ORC3: variants seen among roughly 807,000 people sequenced by gnomAD.
ORC3 encodes origin recognition complex subunit 3.
ORC3 carries 78 observed loss-of-function variants against 100.7 expected under a neutral mutation model. The ratio of observed to expected loss-of-function variants is 0.77; its 90% CI spans 0.65 to 0.94. ORC3 has a LOEUF of 0.94. Among genes scored for constraint, ORC3 ranks in the 40% least tolerant of loss-of-function variants. The pLI, the probability that ORC3 is intolerant of heterozygous loss-of-function variation, is 0.00. For missense variants in ORC3, 789 were observed against 823.9 expected (o/e 0.96, Z 0.52); for synonymous variants, 295 against 289.3 (o/e 1.02, Z -0.20).
intron 12 of ORC3, 56 bp downstream of exon 12, chr6:87,635,017 G>C: frequency 1.0e-6 from 1 of 965,072 alleles, no homozygotes; most frequent in Non-Finnish European, 1.7e-6. Context: ...GTATTTTCTT[G>C]CTTTGGTTTT....
At chr6:87,640,157 A>G (rs1357428376) in intron 13 of ORC3, among the ~76,000 whole-genome samples, 1 of 152,088 alleles carries the variant, frequency 6.6e-6, no homozygotes, top group Non-Finnish European at 1.5e-5. Flanking sequence ...CCTCTAGTGT[A>G]TTTCACAGAA....
the ORC3 span, among the ~76,000 whole-genome samples, chr6:87,672,906 C>A: frequency 6.6e-6 from 1 of 152,088 alleles, no homozygotes; most frequent in Non-Finnish European, 1.5e-5. Flanking sequence ...AGTACTGTAT[C>A]AGTACTGCCT....
Position 87,656,993 on chromosome 6 carries a change from T to C in ORC3, c.1593+11T>C, listed in dbSNP as rs1286887904. The C allele has an allele frequency of 1.3e-6, 2 of 1,542,388 alleles. No individual in the cohort carries two copies. The highest frequency in any genetic ancestry group is 1.7e-5 in the Admixed American group (1 of 59,912). On this transcript the variant is annotated intron_variant, in intron 15 of 19. Transcript: ENST00000392844. ...TATCATCTTCAGAAGGTCAGGTCAC[T>C]CTCTTCCCTTCCAGCTGCATCCTGT... is the stretch of plus-strand genomic sequence containing the variant.
Position 87,663,038 on chromosome 6 carries a change from A to G in ORC3, c.1727A>G (p.His576Arg), listed in dbSNP as rs767350523. 4.3e-6 allele frequency: 7 copies of G among 1,611,562 alleles called. No individual in the cohort carries two copies. The African/African-American group carries it at 5.3e-5, about 12-fold the overall frequency. Reference sequence around the variant, plus strand: ...CTGCCTCCTGAGACACAGCCTCTCCATGAGGTGGTGTACTTCAGTGCTGCC... The same window carrying G: ...CTGCCTCCTGAGACACAGCCTCTCCGTGAGGTGGTGTACTTCAGTGCTGCC... ...YLLPPETQPLHEVVYFSAAHA... is the reference protein window; with the variant it reads ...YLLPPETQPLREVVYFSAAHA... Residue 576 changes from histidine to arginine, a missense_variant, in exon 17 of 20, where the codon CAT (histidine) becomes CGT (arginine). This residue lies in a region of ORC3 where 366 missense variants were observed against 394.2 expected (regional missense o/e 0.93). Coordinates refer to ENST00000392844, the MANE Select transcript of ORC3 (RefSeq NM_012381.4).
chr6:87,651,023 A>G, intron 13 of ORC3: 1 of 366,486 alleles, frequency 2.7e-6, no homozygotes, highest in Non-Finnish European at 5.4e-6. Flanking sequence ...AAAAACAAAA[A>G]AAGAATAAGA....
At chr6:87,590,663 G>A (rs1051335415) in intron 1 of ORC3, among the ~76,000 whole-genome samples, 1 of 152,160 alleles carries the variant, frequency 6.6e-6, no homozygotes, top group African/African-American at 2.4e-5. Flanking sequence ...ATAGGTTGTC[G>A]GGGGTTAGCG....
chr6:87,676,015 A>C, the ORC3 span: 2 of 1,149,920 alleles, frequency 1.7e-6, no homozygotes, highest in Admixed American at 2.1e-5. Flanking sequence ...TATACAGTAA[A>C]ACAATTCTAA....
At chr6:87,677,324 A>G in the ORC3 span, among the ~76,000 whole-genome samples, 8 of 152,192 alleles carry the variant, frequency 5.3e-5, no homozygotes, top group African/African-American at 1.7e-4. Context: ...AAAAGCTTAC[A>G]TATCTATATA....
chr6:87,626,663 TGTTAACCCAGCTAC>T (rs944435474), intron 11 of ORC3, among the ~76,000 whole-genome samples: 3 of 152,068 alleles, frequency 2.0e-5, no homozygotes, highest in Non-Finnish European at 1.5e-5. Flanking sequence ...GGTGTGTGCT[TGTTAACCCAGCTAC>T]TTGGGAGGCT....
chr6:87,636,417 T>C lies in ORC3; in HGVS notation c.1313T>C (p.Leu438Ser). Residue 438 changes from leucine (L) to serine (S), a missense_variant, in exon 13 of 20, where the codon TTG becomes TCG. Leu to Ser is a moderately radical substitution (Grantham distance 145, BLOSUM62 -2). Coordinates refer to ENST00000392844, the MANE Select transcript of ORC3 (RefSeq NM_012381.4). ...GTTGTTCCCTTACAGATCAGAGAGT[T>C]GTACTGTACATGTTTAGAAAAGAAC... The part of the protein sequence containing the change: ...KYPLGRQIRE[L>S]YCTCLEKNIW... The C allele has an allele frequency of 6.2e-7, 1 of 1,604,372 alleles. No individual in the cohort carries two copies. The highest frequency in any genetic ancestry group is 8.5e-7 in the Non-Finnish European group (1 of 1,171,110).
At chr6:87,601,023 A>G (rs1393444691) in intron 2 of ORC3, among the ~76,000 whole-genome samples, 2 of 152,244 alleles carry the variant, frequency 1.3e-5, no homozygotes, top group Non-Finnish European at 2.9e-5. Context: ...ATACAAAAAT[A>G]TACAGACAGA....
At chr6:87,673,852 T>TG in the ORC3 span, among the ~76,000 whole-genome samples, 1 of 146,200 alleles carries the variant, frequency 6.8e-6, no homozygotes. Flanking sequence ...AAAAAAAAAG[T>TG]AGGGGGGAAG....
chr6:87,639,212 C>T (rs1768038099), intron 13 of ORC3, among the ~76,000 whole-genome samples: 1 of 152,124 alleles, frequency 6.6e-6, no homozygotes, highest in Non-Finnish European at 1.5e-5. Flanking sequence ...AAGGGATACT[C>T]AATCTGTATG....
At chr6:87,650,222 T>C (rs1207005845) in intron 13 of ORC3, among the ~76,000 whole-genome samples, 2 of 151,952 alleles carry the variant, frequency 1.3e-5, no homozygotes, top group Non-Finnish European at 2.9e-5. Flanking sequence ...CTGAGCTAAT[T>C]TTTTCTATTT....
At chr6:87,596,032 G>C (rs1777407760) in intron 2 of ORC3, among the ~76,000 whole-genome samples, 1 of 151,076 alleles carries the variant, frequency 6.6e-6, no homozygotes, top group African/African-American at 2.4e-5. Context: ...GTAGAGACAG[G>C]GTCTCACTTT....
chr6:87,646,275 C>T (rs1768782742), intron 13 of ORC3, among the ~76,000 whole-genome samples: 2 of 152,074 alleles, frequency 1.3e-5, no homozygotes, highest in South Asian at 4.1e-4. Flanking sequence ...CGTGAGCTAC[C>T]GTGCTCTGCC....
chr6:87,656,706 G>T (rs1474946491), intron 14 of ORC3, among the ~76,000 whole-genome samples, 200 bp from the exon 15 acceptor site: 1 of 151,352 alleles, frequency 6.6e-6, no homozygotes, highest in Non-Finnish European at 1.5e-5. Flanking sequence ...CTGATTTTTT[G>T]AAGACATCAC....
chr6:87,596,887 G>A (rs1777485476), intron 2 of ORC3, among the ~76,000 whole-genome samples: 1 of 152,102 alleles, frequency 6.6e-6, no homozygotes, highest in Non-Finnish European at 1.5e-5. Context: ...ATAATTACAG[G>A]TAATACTCTT....
chr6:87,670,387 A>G (rs964649154), downstream of ORC3, among the ~76,000 whole-genome samples: 11 of 151,984 alleles, frequency 7.2e-5, no homozygotes, highest in African/African-American at 2.7e-4. Context: ...GCTGGTCTTG[A>G]ACTCCTGGGC....
Sources: allele counts gnomAD v4.1 joint callset (sites outside exome capture counted in the v4.1 genomes callset), GRCh38; gene constraint gnomAD v4.1.1; regional missense constraint gnomAD v4.1.1; transcripts MANE v1.5; gene names NCBI Gene and HGNC (gene_info 2026-07-23, HGNC 2026-07-21).